The following C12orf56 variants were observed in gnomAD, a reference collection of about 807,000 sequenced individuals.
C12orf56 encodes the protein uncharacterized protein C12orf56.
In C12orf56, 71 loss-of-function variants were observed where a neutral mutation model predicts 69.9. The ratio of observed to expected loss-of-function variants is 1.02; its 90% CI spans 0.84 to 1.24. C12orf56 has a LOEUF of 1.24. Ranked by LOEUF, C12orf56 falls within the 50% of genes most tolerant of loss-of-function variation. The probability of loss-of-function intolerance (pLI) is 0.00; values close to 1 mark genes in which losing one functional copy is unlikely to be tolerated. For synonymous variants in C12orf56, 276 were observed against 274.1 expected, an observed-to-expected ratio of 1.01 and a Z score of -0.07; for missense variants, 732 against 738.5, an observed-to-expected ratio of 0.99 and a Z score of 0.10.
chr12:64,390,314 C>T lies in C12orf56; in HGVS notation c.252G>A (p.Leu84=). 6.2e-7 allele frequency: 1 copy of T among 1,606,736 alleles called. No individual in the cohort carries two copies. The highest frequency in any genetic ancestry group is 8.5e-7 in the Non-Finnish European group (1 of 1,177,850). ...VALRDVVAID[L]IDDYPEFLSS... ...CCGCCTGCCCACCCGCGCCGCTCACCAGGTCAATGGCCACGACGTCCCGCA... is the reference window on the plus strand; with the variant it reads ...CCGCCTGCCCACCCGCGCCGCTCACTAGGTCAATGGCCACGACGTCCCGCA... The change falls in exon 1 of 13, where the codon CTG becomes CTA. Residue 84 remains leucine (L), a splice_region_variant and synonymous_variant. Coordinates refer to ENST00000543942, the MANE Select transcript of C12orf56 (RefSeq NM_001170633.2).
chr12:64,371,023 G>C (rs1170083072), intron 1 of C12orf56, among the ~76,000 whole-genome samples: 1 of 152,062 alleles, frequency 6.6e-6, no homozygotes, highest in Non-Finnish European at 1.5e-5. Context: ...CAAAAGAATA[G>C]AGAACCCAGA....
At chr12:64,323,043 CA>C (rs765188909) in intron 3 of C12orf56, among the ~76,000 whole-genome samples, 67 of 152,164 alleles carry the variant, frequency 4.4e-4, no homozygotes, top group Non-Finnish European at 8.5e-4. Flanking sequence ...AAATTCAATA[CA>C]AGTAAGTGTG....
intron 1 of C12orf56, among the ~76,000 whole-genome samples, chr12:64,377,194 T>A (rs1215422183): frequency 4.0e-5 from 4 of 101,022 alleles, no homozygotes; most frequent in Non-Finnish European, 8.1e-5. Context: ...CTTTGCCCAC[T>A]TTTTTTTTTT....
At chr12:64,298,116 T>C (rs1298702384) in intron 6 of C12orf56, among the ~76,000 whole-genome samples, 1 of 151,466 alleles carries the variant, frequency 6.6e-6, no homozygotes, top group Non-Finnish European at 1.5e-5. Context: ...TGGTTTTGAT[T>C]TGCATTTCTC....
rs998817690 is a variant in C12orf56 at position 64,353,109 on chromosome 12, T to C, written c.253-53A>G. 6.4e-6 allele frequency: 10 copies of C among 1,550,692 alleles called. No individual in the cohort carries two copies. The African/African-American group carries it at 1.4e-4, about 21-fold the overall frequency. On this transcript the variant is annotated intron_variant, in intron 1 of 12. Coordinates refer to ENST00000543942, the MANE Select transcript of C12orf56 (RefSeq NM_001170633.2). The stretch of plus-strand genomic sequence containing the variant: ...GAAGACAAATACAACTGCTTACCTA[T>C]TTTGGTATAATAAATCCCCCAAAGC...
intron 4 of C12orf56, among the ~76,000 whole-genome samples, chr12:64,314,352 C>G (rs1474160947): frequency 6.6e-6 from 1 of 152,142 alleles, no homozygotes; most frequent in African/African-American, 2.4e-5. Flanking sequence ...CTGAACCTCC[C>G]AAAGTGCTAG....
In C12orf56 at chr12:64,318,680, G is replaced by T. The variant is rs903650545; in HGVS notation, c.789C>A (p.Ser263Arg). 6.5e-7 allele frequency: 1 copy of T among 1,537,084 alleles called. No individual in the cohort carries two copies. The highest frequency in any genetic ancestry group is 1.4e-5 in the African/African-American group (1 of 73,148). Reference sequence around the variant, plus strand: ...ACTCCTTTTTCTCTAAATTTGAGTTGCTCTGTGAAGGGGAATCTAAGAGGG... The same window carrying T: ...ACTCCTTTTTCTCTAAATTTGAGTTTCTCTGTGAAGGGGAATCTAAGAGGG... ...GNSLLDSPSQ[S>R]NSNLEKKESE... Residue 263 changes from serine (S) to arginine (R), a missense_variant, in exon 4 of 13, where the codon AGC (serine) becomes AGA (arginine). Coordinates refer to ENST00000543942, the MANE Select transcript of C12orf56 (RefSeq NM_001170633.2).
intron 6 of C12orf56, among the ~76,000 whole-genome samples, chr12:64,297,081 C>A (rs1015911844): frequency 1.3e-5 from 2 of 152,230 alleles, no homozygotes; most frequent in Non-Finnish European, 1.5e-5. Context: ...AATCTCTCCA[C>A]CCCAGTATGG....
At chr12:64,384,099 T>C (rs1592507818) in intron 1 of C12orf56, among the ~76,000 whole-genome samples, 1 of 152,172 alleles carries the variant, frequency 6.6e-6, no homozygotes, top group Non-Finnish European at 1.5e-5. Context: ...CCTTAAGAGG[T>C]AGTTCTTATT....
chr12:64,321,381 C>T (rs1212650519), intron 3 of C12orf56, among the ~76,000 whole-genome samples: 1 of 152,212 alleles, frequency 6.6e-6, no homozygotes, highest in African/African-American at 2.4e-5. Flanking sequence ...CACTACATTG[C>T]CCAGGCTGGT....
intron 3 of C12orf56, among the ~76,000 whole-genome samples, chr12:64,324,624 T>A (rs1398470921): frequency 6.6e-6 from 1 of 152,226 alleles, no homozygotes; most frequent in Non-Finnish European, 1.5e-5. Context: ...AACGGCCAGT[T>A]CTTGCTGGGA....
chr12:64,370,689 A>T (rs553189653), intron 1 of C12orf56, among the ~76,000 whole-genome samples: 1 of 152,306 alleles, frequency 6.6e-6, no homozygotes, highest in East Asian at 1.9e-4. Context: ...CCAAGTTTAA[A>T]ATTGAAAACA....
chr12:64,378,159 A>T (rs1281671612), intron 1 of C12orf56, among the ~76,000 whole-genome samples: 1 of 152,210 alleles, frequency 6.6e-6, no homozygotes, highest in East Asian at 1.9e-4. Context: ...TACTGCTCAC[A>T]AATATTACTG....
chr12:64,318,818 C>T lies in C12orf56; in HGVS notation c.651G>A (p.Glu217=). The T allele has an allele frequency of 6.5e-7, 1 of 1,537,214 alleles. No individual in the cohort carries two copies. The highest frequency in any genetic ancestry group is 8.7e-7 in the Non-Finnish European group (1 of 1,146,916). Reference sequence around the variant, plus strand: ...CTTTTGTGTTTGTTGTGCAAGATGGCTCGCTGACAGCCTTGCCAGTTGTTG... The same window carrying T: ...CTTTTGTGTTTGTTGTGCAAGATGGTTCGCTGACAGCCTTGCCAGTTGTTG... ...SAPTTGKAVS[E]PSCTTNTKEP... The change falls in exon 4 of 13, where the codon GAG becomes GAA. Residue 217 remains glutamate (E), a synonymous_variant. Coordinates refer to ENST00000543942, the MANE Select transcript of C12orf56 (RefSeq NM_001170633.2).
intron 1 of C12orf56, among the ~76,000 whole-genome samples, chr12:64,376,633 C>T (rs1363445573): frequency 6.6e-6 from 1 of 150,786 alleles, no homozygotes; most frequent in East Asian, 2.0e-4. Context: ...TCTGACAGGC[C>T]CCAGTGTCTG....
At chr12:64,372,527 T>C (rs2039585361) in intron 1 of C12orf56, among the ~76,000 whole-genome samples, 1 of 152,224 alleles carries the variant, frequency 6.6e-6, no homozygotes, top group Non-Finnish European at 1.5e-5. Flanking sequence ...TGCTTTTCTT[T>C]TCCTTGAGAC....
intron 3 of C12orf56, among the ~76,000 whole-genome samples, chr12:64,328,928 G>A (rs570116176): frequency 6.6e-6 from 1 of 151,128 alleles, no homozygotes; most frequent in South Asian, 2.1e-4. Context: ...AGACAGGCGT[G>A]GTGGTGGGCA....
At chr12:64,328,924 G>A (rs186081033) in intron 3 of C12orf56, among the ~76,000 whole-genome samples, 11 of 150,762 alleles carry the variant, frequency 7.3e-5, no homozygotes, top group African/African-American at 2.7e-4. Context: ...AATTAGACAG[G>A]CGTGGTGGTG....
exon 1 of C12orf56, chr12:64,390,750 CCCAGCCCTGT>C (rs2039859653): frequency 1.3e-6 from 1 of 769,100 alleles, no homozygotes; most frequent in Non-Finnish European, 1.9e-6. Flanking sequence ...GAGCGCCCTC[CCCAGCCCTGT>C]CCAGCCTCTC....
Sources: allele counts gnomAD v4.1 joint callset (sites outside exome capture counted in the v4.1 genomes callset), GRCh38; gene constraint gnomAD v4.1.1; transcripts MANE v1.5; gene names NCBI Gene and HGNC (gene_info 2026-07-23, HGNC 2026-07-21).